The following GRID2 variants were observed in gnomAD, a reference collection of about 807,000 sequenced individuals.
GRID2 encodes glutamate ionotropic receptor delta type subunit 2.
A neutral mutation model predicts 114.8 loss-of-function variants in GRID2; 33 were observed. The observed-to-expected ratio is 0.29, with a 90% CI of 0.22 to 0.38. The LOEUF (loss-of-function observed/expected upper bound fraction) is 0.38. Ranked by LOEUF, GRID2 falls within the 10% of genes least tolerant of loss-of-function variation. The probability of loss-of-function intolerance (pLI) is 1.00; values close to 1 mark genes in which losing one functional copy is unlikely to be tolerated. For missense variants in GRID2, 1,184 were observed against 1,257.7 expected, an observed-to-expected ratio of 0.94 and a Z score of 0.89; for synonymous variants, 505 against 449.9, an observed-to-expected ratio of 1.12 and a Z score of -1.55.
intron 2 of GRID2, among the ~76,000 whole-genome samples, chr4:92,817,352 TTTAATACCATTCTCTCCATAC>T (rs1280582113): frequency 6.6e-6 from 1 of 152,064 alleles, no homozygotes; most frequent in African/African-American, 2.4e-5. Context: ...CTACAAAACT[TTTAATACCATTCTCTCCATAC>T]ACCTTACTCC....
rs150260304 is a variant in GRID2 at position 92,450,220 on chromosome 4, A to G, written c.89-139911A>G. The stretch of plus-strand genomic sequence containing the variant: ...CATATTTTCATCTTCTGGTGTACCT[A>G]TCTTGTGCCTGATGTATAATAGGTG... On this transcript the variant is annotated intron_variant, in intron 1 of 15. Transcript: ENST00000282020. Among the ~76,000 whole-genome samples the G allele has an allele frequency of 6.7e-4, 102 of 152,176 alleles. No homozygotes were observed. In the East Asian group the frequency reaches 0.016, roughly 24 times the overall value.
intron 4 of GRID2, among the ~76,000 whole-genome samples, chr4:93,163,598 C>A (rs1189000287): frequency 2.0e-5 from 3 of 147,888 alleles, no homozygotes; most frequent in African/African-American, 5.0e-5. Context: ...AAAAATTTAG[C>A]AGAATTTAAA....
At chr4:93,316,295 A>AGAAAGAAC (rs1553907389) in intron 8 of GRID2, among the ~76,000 whole-genome samples, 4 of 47,772 alleles carry the variant, frequency 8.4e-5, no homozygotes, top group South Asian at 7.4e-4. Flanking sequence ...AAAGAACGAA[A>AGAAAGAAC]GAAAGAAAGA....
chr4:92,468,521 A>T (rs1721865300), intron 1 of GRID2, among the ~76,000 whole-genome samples: 1 of 152,084 alleles, frequency 6.6e-6, no homozygotes, highest in African/African-American at 2.4e-5. Context: ...ATTTATTTTT[A>T]AAAAACTTAA....
intron 2 of GRID2, among the ~76,000 whole-genome samples, chr4:92,989,276 C>CAAAAAAAAA (rs1182397768): frequency 8.1e-5 from 6 of 74,288 alleles, no homozygotes; most frequent in African/African-American, 9.8e-5. Context: ...GACTCCATCT[C>CAAAAAAAAA]AAAAAAAAAA....
intron 2 of GRID2, among the ~76,000 whole-genome samples, chr4:92,920,467 T>G (rs965717958): frequency 6.6e-6 from 1 of 152,214 alleles, no homozygotes; most frequent in African/African-American, 2.4e-5. Flanking sequence ...ATTTGGCATG[T>G]TTTTGCAGTG....
chr4:92,888,250 G>T (rs995482975), intron 2 of GRID2, among the ~76,000 whole-genome samples: 1 of 151,992 alleles, frequency 6.6e-6, no homozygotes, highest in African/African-American at 2.4e-5. Context: ...CATAATAAAT[G>T]TACTTATTAG....
intron 6 of GRID2, 82 bp from the exon 7 acceptor site, chr4:93,224,532 C>A (rs1443361377): frequency 3.6e-5 from 30 of 839,014 alleles, no homozygotes; most frequent in Non-Finnish European, 5.7e-5. Context: ...TGAACAGAAG[C>A]AGTTGAGACA....
chr4:93,463,648 A>C (rs1416593769), intron 11 of GRID2, among the ~76,000 whole-genome samples: 2 of 152,204 alleles, frequency 1.3e-5, no homozygotes, highest in African/African-American at 2.4e-5. Context: ...AAAAAATTGA[A>C]GGGTGATTTT....
intron 2 of GRID2, chr4:92,821,878 C>A (rs1348922487): frequency 1.3e-5 from 2 of 154,668 alleles, no homozygotes; most frequent in Non-Finnish European, 2.9e-5. Flanking sequence ...TTCTCCCCAT[C>A]TCTTTATGTT....
chr4:93,407,084 A>G (rs1319812435), intron 9 of GRID2, among the ~76,000 whole-genome samples: 2 of 152,188 alleles, frequency 1.3e-5, no homozygotes, highest in African/African-American at 4.8e-5. Flanking sequence ...GCAGTCTTCC[A>G]TGGCAGCCTT....
At chr4:92,705,080 A>C (rs1426591338) in intron 2 of GRID2, among the ~76,000 whole-genome samples, 1 of 152,114 alleles carries the variant, frequency 6.6e-6, no homozygotes, top group East Asian at 1.9e-4. Context: ...TAACATTTTA[A>C]GTTCTTCAGG....
chr4:93,356,239 C>T (rs1761325439), intron 8 of GRID2, among the ~76,000 whole-genome samples: 1 of 151,862 alleles, frequency 6.6e-6, no homozygotes, highest in South Asian at 2.1e-4. Context: ...TAATTTTGTC[C>T]CTCTGCCATT....
chr4:92,839,030 T>G (rs973717058), intron 2 of GRID2, among the ~76,000 whole-genome samples: 5 of 152,142 alleles, frequency 3.3e-5, no homozygotes, highest in African/African-American at 1.2e-4. Context: ...ATGGATTATC[T>G]GGCCAGCGTC....
chr4:93,406,754 C>G (rs2149345712), intron 9 of GRID2, among the ~76,000 whole-genome samples: 1 of 152,150 alleles, frequency 6.6e-6, no homozygotes, highest in African/African-American at 2.4e-5. Context: ...TCCCACACAC[C>G]TTGCTATTTC....
intron 1 of GRID2, among the ~76,000 whole-genome samples, chr4:92,520,160 T>C (rs995909535): frequency 2.0e-5 from 3 of 151,906 alleles, no homozygotes; most frequent in South Asian, 2.1e-4. Flanking sequence ...TTTCCTAATA[T>C]GATACAGCTA....
intron 8 of GRID2, among the ~76,000 whole-genome samples, chr4:93,248,870 CCTT>C (rs887342341): frequency 6.6e-6 from 1 of 152,030 alleles, no homozygotes; most frequent in African/African-American, 2.4e-5. Context: ...ATTTTATTTT[CCTT>C]CTTAATCAGG....
chr4:92,422,506 T>TG (rs1348489830), intron 1 of GRID2, among the ~76,000 whole-genome samples: 2 of 151,968 alleles, frequency 1.3e-5, no homozygotes, highest in African/African-American at 4.8e-5. Flanking sequence ...GACAACTTGG[T>TG]GGGGAAGGGG....
At chr4:93,796,295 C>T (rs928768835) in intron 1 of GRID2, among the ~76,000 whole-genome samples, 1 of 152,146 alleles carries the variant, frequency 6.6e-6, no homozygotes, top group Non-Finnish European at 1.5e-5. Flanking sequence ...GTCTTCCCTA[C>T]ACGCAAAGAA....
Sources: allele counts gnomAD v4.1 joint callset (sites outside exome capture counted in the v4.1 genomes callset), GRCh38; gene constraint gnomAD v4.1.1; transcripts MANE v1.5; gene names NCBI Gene and HGNC (gene_info 2026-07-23, HGNC 2026-07-21).